CAMTA1: variants seen among roughly 807,000 people sequenced by gnomAD.
CAMTA1 encodes the protein calmodulin-binding transcription activator 1.
In CAMTA1, 27 loss-of-function variants were observed where a neutral mutation model predicts 170.9. The ratio of observed to expected loss-of-function variants is 0.16; its 90% CI spans 0.12 to 0.22. The LOEUF is 0.22. CAMTA1 is among the 10% of genes least tolerant of loss of function. The pLI is 1.00. For missense variants in CAMTA1, 1,619 were observed against 2,217.2 expected (o/e 0.73, Z 5.42); for synonymous variants, 833 against 891.5 (o/e 0.93, Z 1.17).
intron 3 of CAMTA1, among the ~76,000 whole-genome samples, chr1:6,990,722 T>G (rs1696212438): frequency 6.6e-6 from 1 of 152,046 alleles, no homozygotes; most frequent in African/African-American, 2.4e-5. Context: ...ATTTTCACCA[T>G]TAGTTATTTT....
chr1:7,586,566 C>T (rs1338762168), intron 6 of CAMTA1, among the ~76,000 whole-genome samples: 1 of 152,174 alleles, frequency 6.6e-6, no homozygotes, highest in African/African-American at 2.4e-5. Context: ...GGCACCACCC[C>T]GTCCCCATGG....
chr1:7,573,697 C>T (rs965294218), intron 6 of CAMTA1, among the ~76,000 whole-genome samples: 3 of 152,220 alleles, frequency 2.0e-5, no homozygotes, highest in African/African-American at 7.2e-5. Context: ...CTGGGTGCCT[C>T]TAGTGTGTCT....
At chr1:7,467,769 T>TCTTCCTTC (rs953075212) in intron 5 of CAMTA1, 61 bp from the exon 6 acceptor site, 7 of 1,390,062 alleles carry the variant, frequency 5.0e-6, no homozygotes, top group South Asian at 3.5e-5. Context: ...TGTTGCGCCG[T>TCTTCCTTC]CTTCCTTCCT....
At chr1:7,511,138 G>A (rs954795823) in intron 6 of CAMTA1, among the ~76,000 whole-genome samples, 1 of 145,578 alleles carries the variant, frequency 6.9e-6, no homozygotes, top group African/African-American at 2.5e-5. Flanking sequence ...CTGTGCCTAC[G>A]AGCATTTCCA....
At chr1:7,461,598 G>A (rs940268566) in intron 5 of CAMTA1, among the ~76,000 whole-genome samples, 6 of 152,240 alleles carry the variant, frequency 3.9e-5, no homozygotes, top group Non-Finnish European at 7.3e-5. Context: ...GCAATGCCAA[G>A]GATGTCTTTT....
intron 3 of CAMTA1, among the ~76,000 whole-genome samples, chr1:6,942,020 C>G (rs150738540): frequency 6.6e-6 from 1 of 152,162 alleles, no homozygotes. Context: ...AAGCTTCACC[C>G]ACGGGCTTCA....
chr1:7,194,023 CAT>C (rs1396242153), intron 4 of CAMTA1, among the ~76,000 whole-genome samples: 1 of 152,212 alleles, frequency 6.6e-6, no homozygotes, highest in Non-Finnish European at 1.5e-5. Flanking sequence ...TAGATAGACA[CAT>C]GTGAACGGAA....
chr1:7,608,985 AG>A (rs2095505297), intron 6 of CAMTA1, among the ~76,000 whole-genome samples: 1 of 152,112 alleles, frequency 6.6e-6, no homozygotes, highest in Non-Finnish European at 1.5e-5. Context: ...AAGTGAGGGC[AG>A]GAGCTGTCTG....
chr1:6,941,915 C>T (rs1686705627), intron 3 of CAMTA1, among the ~76,000 whole-genome samples: 1 of 152,174 alleles, frequency 6.6e-6, no homozygotes, highest in African/African-American at 2.4e-5. Flanking sequence ...TTGGTAAATG[C>T]AGCCACTGAA....
intron 1 of CAMTA1, among the ~76,000 whole-genome samples, chr1:6,814,477 A>G (rs1645552153): frequency 6.6e-6 from 1 of 152,194 alleles, no homozygotes; most frequent in African/African-American, 2.4e-5. Flanking sequence ...CAGAGGGCCT[A>G]GTGACCTAGA....
At chr1:6,866,252 AG>A (rs1039681242) in intron 3 of CAMTA1, among the ~76,000 whole-genome samples, 10 of 152,220 alleles carry the variant, frequency 6.6e-5, no homozygotes, top group African/African-American at 2.2e-4. Context: ...ATAATCTCTT[AG>A]GGGTAGGACT....
chr1:7,462,153 G>A (rs577978601), intron 5 of CAMTA1, among the ~76,000 whole-genome samples: 2 of 152,358 alleles, frequency 1.3e-5, no homozygotes, highest in South Asian at 4.1e-4. Flanking sequence ...TTGAGACAGA[G>A]TTTCACTCTT....
At chr1:7,500,441 TGC>T (rs765014645) in intron 6 of CAMTA1, among the ~76,000 whole-genome samples, 38 of 152,062 alleles carry the variant, frequency 2.5e-4, no homozygotes, top group Non-Finnish European at 4.7e-4. Flanking sequence ...TGTGTGTGTG[TGC>T]ATGAGTGAGT....
At chr1:7,359,886 C>G (rs1208398316) in intron 5 of CAMTA1, among the ~76,000 whole-genome samples, 1 of 152,120 alleles carries the variant, frequency 6.6e-6, no homozygotes, top group African/African-American at 2.4e-5. Flanking sequence ...AACGGCGTGG[C>G]TTAAACATGG....
At chr1:7,334,472 T>C (rs927645660) in intron 5 of CAMTA1, among the ~76,000 whole-genome samples, 3 of 152,242 alleles carry the variant, frequency 2.0e-5, no homozygotes, top group African/African-American at 7.2e-5. Flanking sequence ...TACCCTAGCA[T>C]GTAGCTAATA....
At chr1:7,649,434 C>G (rs748422322) in intron 7 of CAMTA1, among the ~76,000 whole-genome samples, 53 of 152,328 alleles carry the variant, frequency 3.5e-4, no homozygotes, top group Non-Finnish European at 7.2e-4. Context: ...CCATGAGGAG[C>G]AGGCAGGGCA....
intron 5 of CAMTA1, among the ~76,000 whole-genome samples, chr1:7,436,560 G>A (rs1440382405): frequency 2.0e-5 from 3 of 152,170 alleles, no homozygotes; most frequent in African/African-American, 7.2e-5. Flanking sequence ...CCTGAGGTGG[G>A]AGGAGCAGGG....
chr1:6,963,987 C>G (rs927650766), intron 3 of CAMTA1, among the ~76,000 whole-genome samples: 3 of 152,026 alleles, frequency 2.0e-5, no homozygotes, highest in African/African-American at 7.2e-5. Context: ...TCCTGGGTGC[C>G]CAGATAGGGG....
At chr1:7,412,415 C>T (rs1412618361) in intron 5 of CAMTA1, among the ~76,000 whole-genome samples, 1 of 151,716 alleles carries the variant, frequency 6.6e-6, no homozygotes, top group African/African-American at 2.4e-5. Flanking sequence ...TCCTCTCCAG[C>T]ACCTGTTGTT....
Sources: allele counts gnomAD v4.1 joint callset (sites outside exome capture counted in the v4.1 genomes callset), GRCh38; gene constraint gnomAD v4.1.1; transcripts MANE v1.5; gene names NCBI Gene and HGNC (gene_info 2026-07-23, HGNC 2026-07-21).